Variants in ITSN1 observed in about 807,000 individuals in gnomAD.
The protein encoded by ITSN1 is intersectin 1, also known as intersectin-1.
Under a neutral mutation model 239.8 loss-of-function variants are expected in ITSN1, and 58 were observed. The observed-to-expected ratio is 0.24, with a 90% CI of 0.20 to 0.30. The LOEUF (loss-of-function observed/expected upper bound fraction) is 0.30. Among genes scored for constraint, ITSN1 ranks in the 10% least tolerant of loss-of-function variants. The pLI, the probability that ITSN1 is intolerant of heterozygous loss-of-function variation, is 1.00. For missense variants in ITSN1, 1,558 were observed against 2,103.3 expected, an observed-to-expected ratio of 0.74 and a Z score of 5.07; for synonymous variants, 780 against 770.8, an observed-to-expected ratio of 1.01 and a Z score of -0.20.
chr21:33,827,773 G>T (rs1333262207), intron 26 of ITSN1, among the ~76,000 whole-genome samples: 2 of 152,214 alleles, frequency 1.3e-5, no homozygotes, highest in Non-Finnish European at 1.5e-5. Flanking sequence ...GGTTTCTGTG[G>T]CACGTCTTCC....
At chr21:33,724,522 C>T (rs1002132331) in intron 4 of ITSN1, among the ~76,000 whole-genome samples, 9 of 152,240 alleles carry the variant, frequency 5.9e-5, no homozygotes, top group African/African-American at 1.2e-4. Flanking sequence ...CAGGACCTCT[C>T]GCTGGAACCT....
At chr21:33,886,258 C>T (rs985321891) in intron 38 of ITSN1, 29 bp from the exon 39 acceptor site, 2 of 1,587,028 alleles carry the variant, frequency 1.3e-6, no homozygotes, top group Non-Finnish European at 1.7e-6. Context: ...GTGTGAGTTC[C>T]ACCTGGCGAA....
chr21:33,646,463 A>T (rs921627135), intron 1 of ITSN1, among the ~76,000 whole-genome samples: 1 of 152,214 alleles, frequency 6.6e-6, no homozygotes, highest in South Asian at 2.1e-4. Context: ...ATGTTTTCCA[A>T]TTTCACTTTT....
At chr21:33,696,122 A>T (rs148088995) in intron 1 of ITSN1, among the ~76,000 whole-genome samples, 1 of 152,204 alleles carries the variant, frequency 6.6e-6, no homozygotes, top group Non-Finnish European at 1.5e-5. Context: ...TAATGACTGC[A>T]TTGTCCTTTG....
intron 3 of ITSN1, among the ~76,000 whole-genome samples, chr21:33,721,490 G>A (rs370252036): frequency 6.6e-6 from 1 of 152,122 alleles, no homozygotes. Context: ...TTTTGTGCAT[G>A]TAATTTATGG....
chr21:33,767,702 C>T lies in ITSN1; in HGVS notation c.927-11C>T, dbSNP rs755981817. The T allele has an allele frequency of 3.6e-5, 54 of 1,517,772 alleles. No individual in the cohort carries two copies. The highest frequency in any genetic ancestry group is 1.2e-4 in the Admixed American group (7 of 56,424). The allele number at this position is 1,517,772 out of a possible 1,614,324, so 94.0% of individuals were successfully genotyped here. On this transcript the variant is annotated splice_polypyrimidine_tract_variant and intron_variant, in intron 10 of 39. Coordinates refer to ENST00000381318, the MANE Select transcript of ITSN1 (RefSeq NM_003024.3). ...GTGTGAATCTATTTTTCTTTTTCCC[C>T]GCAATTGCAGAAGAGTTCGATCTGG...
At chr21:33,834,972 G>A (rs1158034977) in intron 28 of ITSN1, among the ~76,000 whole-genome samples, 1 of 152,164 alleles carries the variant, frequency 6.6e-6, no homozygotes, top group African/African-American at 2.4e-5. Context: ...CACAGCAGTT[G>A]GCCCAGTTGG....
In ITSN1 at chr21:33,818,391, T is replaced by C. The variant is rs1025382610; in HGVS notation, c.2852T>C (p.Phe951Ser). The C allele has an allele frequency of 1.2e-6, 2 of 1,614,156 alleles. No homozygotes were observed. Among genetic ancestry groups the C allele is most frequent in the African/African-American group, 2.7e-5 (2 of 75,012 alleles). Reference sequence around the variant, plus strand: ...CTGGAACAGCAAGACATGTGGTGGTTTGGAGAAGTTCAAGGTCAGAAGGGT... The same window carrying C: ...CTGGAACAGCAAGACATGTGGTGGTCTGGAGAAGTTCAAGGTCAGAAGGGT... ...TVLEQQDMWW[F>S]GEVQGQKGWF... is the part of the protein sequence containing the mutation. The change falls in exon 23 of 40, where the codon TTT becomes TCT. Residue 951 changes from phenylalanine (F) to serine (S), a missense_variant. Transcript: ENST00000381318.
chr21:33,883,697 G>T, intron 36 of ITSN1, 26 bp downstream of exon 36: 1 of 1,609,118 alleles, frequency 6.2e-7, no homozygotes, highest in Non-Finnish European at 8.5e-7. Context: ...TCCCCAGCAT[G>T]GGCCCCAGGG....
At chr21:33,671,799 T>A (rs546621834) in intron 1 of ITSN1, among the ~76,000 whole-genome samples, 139 of 152,036 alleles carry the variant, frequency 9.1e-4, no homozygotes, top group Middle Eastern at 3.4e-3. Context: ...CTCAAATAAA[T>A]AAATAAATAA....
intron 1 of ITSN1, among the ~76,000 whole-genome samples, chr21:33,647,774 G>A (rs111514432): frequency 0.087 from 13,254 of 152,236 alleles, 751 homozygotes; most frequent in Non-Finnish European, 0.12. Context: ...GGGATCACAG[G>A]CGTGAGCCAC....
intron 21 of ITSN1, among the ~76,000 whole-genome samples, chr21:33,812,114 C>T (rs932636054): frequency 3.9e-5 from 6 of 152,012 alleles, no homozygotes; most frequent in South Asian, 2.1e-4. Context: ...AGGCTGAAGG[C>T]GCTAAAGAAG....
intron 12 of ITSN1, among the ~76,000 whole-genome samples, chr21:33,773,175 A>G (rs1569148451): frequency 6.6e-6 from 1 of 151,540 alleles, no homozygotes; most frequent in Non-Finnish European, 1.5e-5. Flanking sequence ...CCCAGCTAAT[A>G]TTTTGTATTT....
Position 33,888,591 on chromosome 21 carries a change from G to A in ITSN1, c.*291G>A. On this transcript the variant is annotated 3_prime_UTR_variant, in exon 40 of 40. Coordinates refer to ENST00000381318, the MANE Select transcript of ITSN1 (RefSeq NM_003024.3). ...CATAGCCCTCAACAGGGTGCAGCTGGGAGTCTAGCCCCTTCCCGGGCTTGA... is the reference window on the plus strand; with the variant it reads ...CATAGCCCTCAACAGGGTGCAGCTGAGAGTCTAGCCCCTTCCCGGGCTTGA... The A allele has an allele frequency of 3.6e-6, 1 of 278,138 alleles. No homozygotes were observed. The highest frequency in any genetic ancestry group is 6.7e-6 in the Non-Finnish European group (1 of 148,646). 17.2% of individuals were successfully genotyped at this position (278,138 alleles called of 1,614,324 possible).
chr21:33,693,356 T>TG (rs1490639642), intron 1 of ITSN1, among the ~76,000 whole-genome samples: 4 of 151,608 alleles, frequency 2.6e-5, no homozygotes, highest in Non-Finnish European at 4.4e-5. Flanking sequence ...TGTTTTGTTT[T>TG]TTTTGGTGGG....
intron 1 of ITSN1, among the ~76,000 whole-genome samples, chr21:33,706,772 G>T (rs2092263968): frequency 6.6e-6 from 1 of 150,866 alleles, no homozygotes; most frequent in African/African-American, 2.4e-5. Context: ...ATTTTTTTTG[G>T]CGTGCTGTTG....
rs79455916 is a variant in ITSN1 at position 33,774,212 on chromosome 21, G to A, written c.1306-517G>A. On this transcript the variant is annotated intron_variant, in intron 12 of 39. Transcript: ENST00000381318. ...TATGTACTCTATCTAGCAGTCGTCA[G>A]AGCCAGTCGTTGGAGGGAGCAAAAG... Among the ~76,000 whole-genome samples, 1,143 of 152,304 alleles carry A rather than the reference G, an allele frequency of 7.5e-3. 15 individuals are homozygous for A. Among genetic ancestry groups the A allele is most frequent in the African/African-American group, 0.026 (1,088 of 41,566 alleles).
chr21:33,873,486 A>G (rs1426301361), intron 33 of ITSN1, among the ~76,000 whole-genome samples: 1 of 152,246 alleles, frequency 6.6e-6, no homozygotes, highest in Non-Finnish European at 1.5e-5. Context: ...TGCTTTGCCA[A>G]GAGGTCCACG....
intron 27 of ITSN1, 98 bp from the exon 28 acceptor site, chr21:33,834,209 G>C: frequency 1.2e-6 from 1 of 818,744 alleles, no homozygotes; most frequent in African/African-American, 1.7e-5. Context: ...TTGTTTTTCA[G>C]TTATATGTAA....
Sources: gnomAD v4.1 joint callset for allele counts (sites outside exome capture counted in the v4.1 genomes callset) on GRCh38, gnomAD v4.1.1 for gene constraint, MANE v1.5 for transcripts, NCBI Gene and HGNC (gene_info 2026-07-23, HGNC 2026-07-21) for gene names.